ASIC2: variants seen among roughly 807,000 people sequenced by gnomAD.
ASIC2 encodes acid-sensing ion channel 2.
ASIC2 carries 25 observed loss-of-function variants against 57.3 expected under a neutral mutation model. The ratio of observed to expected loss-of-function variants is 0.44; its 90% CI spans 0.32 to 0.61. The LOEUF is 0.61. Ranked by LOEUF, ASIC2 falls within the 20% of genes least tolerant of loss-of-function variation. The pLI, the probability that ASIC2 is intolerant of heterozygous loss-of-function variation, is 0.06. For synonymous variants in ASIC2, 319 were observed against 307.5 expected, an observed-to-expected ratio of 1.04 and a Z score of -0.39; for missense variants, 641 against 738.1, an observed-to-expected ratio of 0.87 and a Z score of 1.52.
At chr17:33,697,407 C>T (rs1428989290) in intron 1 of ASIC2, among the ~76,000 whole-genome samples, 1 of 152,092 alleles carries the variant, frequency 6.6e-6, no homozygotes, top group Non-Finnish European at 1.5e-5. Flanking sequence ...AGGAGAAAAT[C>T]CACATAGAAG....
intron 1 of ASIC2, among the ~76,000 whole-genome samples, chr17:33,901,809 T>C (rs760180193): frequency 6.6e-6 from 1 of 152,198 alleles, no homozygotes. Flanking sequence ...GGAAGCTTTG[T>C]TCTGATCAGT....
chr17:34,101,143 C>T (rs1270537883), intron 1 of ASIC2, among the ~76,000 whole-genome samples: 1 of 152,176 alleles, frequency 6.6e-6, no homozygotes, highest in Non-Finnish European at 1.5e-5. Flanking sequence ...AATGTTCCCC[C>T]GCCCAGCTGT....
chr17:33,014,012 C>G lies in ASIC2; in HGVS notation c.1645G>C (p.Val549Leu). Residue 549 changes from valine to leucine, a missense_variant, in exon 10 of 10, where the codon GTG becomes CTG. By Grantham distance (32) the Val-to-Leu change is conservative (BLOSUM62 1). Transcript: ENST00000225823. Reference sequence around the variant, plus strand: ...GTCCCCAGGGTCGTCTGCAGGGGCACGTTCACAGTGTGACTGATGGTTTCA... The same window carrying G: ...GTCCCCAGGGTCGTCTGCAGGGGCAGGTTCACAGTGTGACTGATGGTTTCA... ...HSETISHTVN[V>L]PLQTTLGTLE... is the part of the protein sequence containing the mutation. 1.9e-6 allele frequency: 3 copies of G among 1,605,364 alleles called. No individual in the cohort carries two copies. The highest frequency in any genetic ancestry group is 2.6e-6 in the Non-Finnish European group (3 of 1,175,842).
In ASIC2 at chr17:33,291,818, G is replaced by C; in HGVS notation, c.298C>G (p.Leu100Val). Residue 100 changes from leucine to valine, a missense_variant, in exon 1 of 10, where the codon CTG becomes GTG. By Grantham distance (32) the Leu-to-Val change is conservative (BLOSUM62 1). This residue lies in a region of ASIC2 where 382 missense variants were observed against 398.0 expected (regional missense o/e 0.96). Coordinates refer to ENST00000225823, the MANE Select transcript of ASIC2 (RefSeq NM_183377.2). ...VLAFCTSFGL[L>V]LSWSSNRLLY... is the part of the protein sequence containing the mutation. Reference sequence around the variant, plus strand: ...AAGCGGTTCGAGGACCAGGACAGCAGCAAGCCGAAGGATGTACAGAAGGCC... The same window carrying C: ...AAGCGGTTCGAGGACCAGGACAGCACCAAGCCGAAGGATGTACAGAAGGCC... 6.2e-7 allele frequency: 1 copy of C among 1,612,564 alleles called. No individual in the cohort carries two copies. Among genetic ancestry groups the C allele is most frequent in the Non-Finnish European group, 8.5e-7 (1 of 1,179,826 alleles).
At chr17:33,343,451 G>T (rs1907812258) in intron 1 of ASIC2, among the ~76,000 whole-genome samples, 1 of 152,126 alleles carries the variant, frequency 6.6e-6, no homozygotes, top group Non-Finnish European at 1.5e-5. Context: ...TCCACTCCCT[G>T]ATGCCTGTCA....
chr17:33,993,413 C>T (rs1246534376), intron 1 of ASIC2, among the ~76,000 whole-genome samples: 1 of 152,220 alleles, frequency 6.6e-6, no homozygotes, highest in African/African-American at 2.4e-5. Flanking sequence ...TGACCCCACT[C>T]TCCTCTACTG....
chr17:33,963,092 G>A (rs1904974634), intron 1 of ASIC2, among the ~76,000 whole-genome samples: 1 of 152,182 alleles, frequency 6.6e-6, no homozygotes, highest in Non-Finnish European at 1.5e-5. Flanking sequence ...AGAACATTGA[G>A]ATCTAGAGAG....
chr17:33,860,600 A>G (rs2141923467), intron 1 of ASIC2, among the ~76,000 whole-genome samples: 1 of 152,342 alleles, frequency 6.6e-6, no homozygotes, highest in Non-Finnish European at 1.5e-5. Context: ...TAATTCCTCA[A>G]GTAAAAAAGA....
At chr17:33,959,341 C>T (rs945958702) in intron 1 of ASIC2, among the ~76,000 whole-genome samples, 2 of 152,176 alleles carry the variant, frequency 1.3e-5, no homozygotes, top group Non-Finnish European at 2.9e-5. Context: ...CAGTATTAAT[C>T]AGGGTTCTCT....
At chr17:33,462,280 G>A (rs931649914) in intron 1 of ASIC2, among the ~76,000 whole-genome samples, 1 of 152,186 alleles carries the variant, frequency 6.6e-6, no homozygotes, top group African/African-American at 2.4e-5. Flanking sequence ...AGTGACCAAA[G>A]ATCCATTTTC....
chr17:33,082,093 T>C (rs2092115158), intron 3 of ASIC2, among the ~76,000 whole-genome samples: 1 of 151,910 alleles, frequency 6.6e-6, no homozygotes, highest in Non-Finnish European at 1.5e-5. Context: ...CAGCTGGTAG[T>C]GAAAGAGGTT....
At chr17:34,016,444 A>G (rs1248359084) in intron 1 of ASIC2, among the ~76,000 whole-genome samples, 1 of 151,324 alleles carries the variant, frequency 6.6e-6, no homozygotes, top group Non-Finnish European at 1.5e-5. Context: ...AAAAAAAAAA[A>G]AAAGAAACAA....
chr17:33,910,155 T>C (rs1481352455), intron 1 of ASIC2, among the ~76,000 whole-genome samples: 1 of 152,222 alleles, frequency 6.6e-6, no homozygotes, highest in Non-Finnish European at 1.5e-5. Context: ...TATCGCTACA[T>C]ATTCTGTGCC....
At chr17:33,481,989 T>G (rs1444506681) in intron 1 of ASIC2, among the ~76,000 whole-genome samples, 1 of 152,224 alleles carries the variant, frequency 6.6e-6, no homozygotes, top group Non-Finnish European at 1.5e-5. Context: ...TGCTGCCCTC[T>G]CCTTTCTTTA....
chr17:33,315,924 TGAC>T (rs1906625920), intron 1 of ASIC2, among the ~76,000 whole-genome samples: 1 of 152,186 alleles, frequency 6.6e-6, no homozygotes, highest in Non-Finnish European at 1.5e-5. Flanking sequence ...GTGAATCCAT[TGAC>T]TCTCACTGAG....
intron 1 of ASIC2, among the ~76,000 whole-genome samples, chr17:33,412,864 C>T (rs1910712804): frequency 6.6e-6 from 1 of 152,126 alleles, no homozygotes; most frequent in Admixed American, 6.5e-5. Context: ...AGGTCAGGAA[C>T]TGGAGCTGTG....
intron 1 of ASIC2, chr17:34,041,461 A>G (rs577735079): frequency 6.6e-6 from 1 of 152,350 alleles, no homozygotes; most frequent in African/African-American, 2.4e-5. Flanking sequence ...CGTGAAATAG[A>G]AAGAATGATA....
At chr17:33,332,897 A>T (rs1294088657) in intron 1 of ASIC2, among the ~76,000 whole-genome samples, 1 of 151,776 alleles carries the variant, frequency 6.6e-6, no homozygotes, top group African/African-American at 2.4e-5. Flanking sequence ...TCTCAAAACA[A>T]AACAAATAAT....
chr17:34,137,229 A>G (rs1912152018), intron 1 of ASIC2, among the ~76,000 whole-genome samples: 1 of 152,216 alleles, frequency 6.6e-6, no homozygotes, highest in Non-Finnish European at 1.5e-5. Flanking sequence ...CATCCTGGAC[A>G]AAACAGACAA....
Sources: gnomAD v4.1 joint callset for allele counts (sites outside exome capture counted in the v4.1 genomes callset) on GRCh38, gnomAD v4.1.1 for gene constraint, gnomAD v4.1.1 regional missense constraint, MANE v1.5 for transcripts, NCBI Gene and HGNC (gene_info 2026-07-23, HGNC 2026-07-21) for gene names.